Variants in CMTM8 observed in about 807,000 individuals in gnomAD.
CMTM8 encodes CKLF like MARVEL transmembrane domain containing 8, also known as CKLF-like MARVEL transmembrane domain-containing protein 8.
Under a neutral mutation model 18.6 loss-of-function variants are expected in CMTM8, and 12 were observed. The observed-to-expected ratio is 0.65, with a 90% CI of 0.41 to 1.05. CMTM8 has a LOEUF of 1.05. Among genes scored for constraint, CMTM8 ranks in the 50% least tolerant of loss-of-function variants. The probability of loss-of-function intolerance (pLI) is 0.00; values close to 1 mark genes in which losing one functional copy is unlikely to be tolerated. For synonymous variants in CMTM8, 87 were observed against 90.6 expected, an observed-to-expected ratio of 0.96 and a Z score of 0.23; for missense variants, 217 against 227.2, an observed-to-expected ratio of 0.95 and a Z score of 0.29.
intron 1 of CMTM8, among the ~76,000 whole-genome samples, chr3:32,265,233 C>T (rs1702318502): frequency 6.6e-6 from 1 of 152,150 alleles, no homozygotes; most frequent in Admixed American, 6.6e-5. Flanking sequence ...TGTAAAAGAA[C>T]AGAAATTATA....
intron 1 of CMTM8, among the ~76,000 whole-genome samples, chr3:32,272,386 A>T (rs11923535): frequency 0.21 from 31,664 of 152,054 alleles, 3,491 homozygotes; most frequent in East Asian, 0.46. Flanking sequence ...CCATTATCTC[A>T]TAAAACATTG....
At chr3:32,353,724 C>A (rs4955144) in intron 1 of CMTM8, among the ~76,000 whole-genome samples, 97,747 of 151,550 alleles carry the variant, frequency 0.64, 32,259 homozygotes, top group East Asian at 0.84. Flanking sequence ...GTTTTTCTTG[C>A]ATTTTTATAA....
intron 2 of CMTM8, 98 bp from the exon 3 acceptor site, chr3:32,367,774 C>T (rs1697066930): frequency 3.9e-6 from 3 of 764,712 alleles, no homozygotes; most frequent in East Asian, 5.0e-5. Context: ...CACTTGGGCC[C>T]CTCCCCACAC....
At position 32,334,346 on chromosome 3, in the gene CMTM8, C is replaced by T. The variant is rs568614869; in HGVS notation, c.148-23027C>T. ...TATTGACCGAGCGTGGTGGCTCACG[C>T]CTGTAATCCCAGCACTTTGGGAGGC... is the stretch of plus-strand genomic sequence containing the variant. On this transcript the variant is annotated intron_variant, in intron 1 of 3. Transcript: ENST00000307526. 7.9e-5 allele frequency among the ~76,000 whole-genome samples: 12 copies of T among 152,046 alleles called. 1 individual carries two copies. In the East Asian group the frequency reaches 2.4e-3, roughly 30 times the overall value.
chr3:32,265,909 A>C (rs1702334916), intron 1 of CMTM8, among the ~76,000 whole-genome samples: 1 of 152,254 alleles, frequency 6.6e-6, no homozygotes, highest in South Asian at 2.1e-4. Context: ...ACCAGGAAGA[A>C]GTTGAATCTC....
At chr3:32,249,055 T>A (rs1702080332) in intron 1 of CMTM8, among the ~76,000 whole-genome samples, 1 of 145,592 alleles carries the variant, frequency 6.9e-6, no homozygotes, top group Admixed American at 6.9e-5. Context: ...TTTTTTTTTT[T>A]TTTGATACGG....
At chr3:32,311,531 C>T (rs1484241791) in intron 1 of CMTM8, among the ~76,000 whole-genome samples, 1 of 152,218 alleles carries the variant, frequency 6.6e-6, no homozygotes, top group African/African-American at 2.4e-5. Flanking sequence ...CTTTGTGGAC[C>T]CTTGTGACTA....
intron 1 of CMTM8, among the ~76,000 whole-genome samples, chr3:32,270,698 C>T (rs546859171): frequency 2.0e-5 from 3 of 152,132 alleles, no homozygotes; most frequent in Admixed American, 2.0e-4. Flanking sequence ...GGAAGGGGAA[C>T]GTCACAACCC....
At chr3:32,299,495 G>A (rs773568781) in intron 1 of CMTM8, among the ~76,000 whole-genome samples, 1 of 152,118 alleles carries the variant, frequency 6.6e-6, no homozygotes, top group Non-Finnish European at 1.5e-5. Flanking sequence ...TTTAATTTTT[G>A]TGGCTACATA....
chr3:32,359,418 C>A (rs1696878006), intron 2 of CMTM8, among the ~76,000 whole-genome samples: 1 of 152,080 alleles, frequency 6.6e-6, no homozygotes, highest in African/African-American at 2.4e-5. Flanking sequence ...GGCGAAATCC[C>A]GTCTCTACTA....
At chr3:32,303,713 C>T (rs916762762) in intron 1 of CMTM8, among the ~76,000 whole-genome samples, 2 of 152,006 alleles carry the variant, frequency 1.3e-5, no homozygotes, top group African/African-American at 4.8e-5. Flanking sequence ...GTAGACTCCT[C>T]ACTTACATTT....
chr3:32,352,181 AAAC>A (rs1356657494), intron 1 of CMTM8, among the ~76,000 whole-genome samples: 1 of 25,158 alleles, frequency 4.0e-5, no homozygotes, highest in East Asian at 2.5e-3. Context: ...GTCTGAAAAA[AAAC>A]ACACACACAC....
At chr3:32,298,432 A>AG (rs1553604427) in intron 1 of CMTM8, among the ~76,000 whole-genome samples, 1 of 131,172 alleles carries the variant, frequency 7.6e-6, no homozygotes, top group African/African-American at 2.9e-5. Flanking sequence ...CTATAAACAT[A>AG]CCCCCCTTTT....
intron 1 of CMTM8, chr3:32,259,240 AAAGTG>A (rs1702219841): frequency 1.7e-6 from 1 of 584,348 alleles, no homozygotes; most frequent in South Asian, 1.6e-5. Context: ...CTACCTGGAC[AAAGTG>A]AAGAGCCTGG....
chr3:32,315,316 G>A (rs1695903379), intron 1 of CMTM8, among the ~76,000 whole-genome samples: 1 of 151,948 alleles, frequency 6.6e-6, no homozygotes, highest in Non-Finnish European at 1.5e-5. Flanking sequence ...TTTTATTAGA[G>A]GCGAGGTTTT....
At chr3:32,366,787 C>T (rs1697046961) in intron 2 of CMTM8, among the ~76,000 whole-genome samples, 1 of 152,160 alleles carries the variant, frequency 6.6e-6, no homozygotes. Context: ...AAGAACACAA[C>T]CGACATTCCT....
At chr3:32,255,102 A>G (rs757117313) in intron 1 of CMTM8, among the ~76,000 whole-genome samples, 5 of 151,476 alleles carry the variant, frequency 3.3e-5, no homozygotes, top group Non-Finnish European at 7.4e-5. Flanking sequence ...TCAGTATTTC[A>G]TTTCTTTTTT....
intron 2 of CMTM8, 49 bp downstream of exon 2, chr3:32,357,595 G>A (rs769401225): frequency 6.3e-7 from 1 of 1,581,334 alleles, no homozygotes; most frequent in South Asian, 1.1e-5. Context: ...CTCGGTAGAT[G>A]GCATTAGTCC....
intron 1 of CMTM8, among the ~76,000 whole-genome samples, chr3:32,263,735 C>G (rs1322809508): frequency 1.3e-5 from 2 of 152,052 alleles, no homozygotes; most frequent in Admixed American, 6.6e-5. Context: ...CTAGAATAAC[C>G]AATGCAGAGA....
Sources: allele counts gnomAD v4.1 joint callset (sites outside exome capture counted in the v4.1 genomes callset), GRCh38; gene constraint gnomAD v4.1.1; transcripts MANE v1.5; gene names NCBI Gene and HGNC (gene_info 2026-07-23, HGNC 2026-07-21).